Variants in ZNF385D observed in about 807,000 individuals in gnomAD.
ZNF385D encodes zinc finger protein 659.
In ZNF385D, 15 loss-of-function variants were observed where a neutral mutation model predicts 35.8. The ratio of observed to expected loss-of-function variants is 0.42; its 90% CI spans 0.28 to 0.64. The LOEUF is 0.64. Ranked by LOEUF, ZNF385D falls within the 30% of genes least tolerant of loss-of-function variation. The pLI, the probability that ZNF385D is intolerant of heterozygous loss-of-function variation, is 0.23. For missense variants in ZNF385D, 474 were observed against 494.6 expected (o/e 0.96, Z 0.39); for synonymous variants, 212 against 186.8 (o/e 1.13, Z -1.10).
At chr3:21,630,393 CG>C (rs1559473637) in intron 2 of ZNF385D, among the ~76,000 whole-genome samples, 1 of 151,846 alleles carries the variant, frequency 6.6e-6, no homozygotes, top group East Asian at 1.9e-4. Context: ...TTAGTAGAGA[CG>C]GGGTTTCTCC....
At chr3:21,756,751 CA>C (rs1423080994) in intron 3 of ZNF385D, among the ~76,000 whole-genome samples, 1 of 152,146 alleles carries the variant, frequency 6.6e-6, no homozygotes, top group Non-Finnish European at 1.5e-5. Flanking sequence ...ATATGAATGA[CA>C]TGTGCTGGAA....
intron 3 of ZNF385D, among the ~76,000 whole-genome samples, chr3:22,011,097 T>C (rs1696542744): frequency 1.3e-5 from 2 of 152,184 alleles, no homozygotes; most frequent in African/African-American, 4.8e-5. Flanking sequence ...CCCAAATTGT[T>C]TCCAGAAGCA....
chr3:22,040,785 A>G (rs965184746), intron 3 of ZNF385D, among the ~76,000 whole-genome samples: 1 of 152,216 alleles, frequency 6.6e-6, no homozygotes, highest in Non-Finnish European at 1.5e-5. Flanking sequence ...AGAATTTCAA[A>G]TACATTGACA....
At chr3:21,898,688 T>C (rs1031638759) in intron 3 of ZNF385D, among the ~76,000 whole-genome samples, 2 of 152,112 alleles carry the variant, frequency 1.3e-5, no homozygotes, top group African/African-American at 4.8e-5. Context: ...AGGCCCTTTT[T>C]CAAGTAACAG....
chr3:22,352,954 G>C (rs930063753), intron 2 of ZNF385D, among the ~76,000 whole-genome samples: 16 of 152,232 alleles, frequency 1.1e-4, no homozygotes, highest in African/African-American at 3.4e-4. Context: ...CCAAGCCCTA[G>C]AGTTCTACAT....
chr3:21,654,410 T>C (rs891840282), intron 2 of ZNF385D, among the ~76,000 whole-genome samples: 23 of 152,244 alleles, frequency 1.5e-4, no homozygotes, highest in Admixed American at 5.2e-4. Flanking sequence ...CCATCTGACA[T>C]TGGCACACCT....
At chr3:21,458,069 T>C (rs543762426) in intron 4 of ZNF385D, among the ~76,000 whole-genome samples, 2 of 152,016 alleles carry the variant, frequency 1.3e-5, no homozygotes, top group South Asian at 4.2e-4. Context: ...CTGAAAAAAA[T>C]ATTGAGATTA....
chr3:22,018,740 A>G (rs1276097135), intron 3 of ZNF385D, among the ~76,000 whole-genome samples: 8 of 151,928 alleles, frequency 5.3e-5, no homozygotes, highest in African/African-American at 9.7e-5. Context: ...AGCTTGGGTT[A>G]TATTTTACCA....
intron 3 of ZNF385D, among the ~76,000 whole-genome samples, chr3:22,037,939 CT>C (rs1698440664): frequency 6.6e-6 from 1 of 152,162 alleles, no homozygotes; most frequent in African/African-American, 2.4e-5. Context: ...CTACAACTAT[CT>C]GATCTTTGAC....
chr3:22,015,282 C>G (rs758867697), intron 3 of ZNF385D, among the ~76,000 whole-genome samples: 3 of 152,130 alleles, frequency 2.0e-5, no homozygotes, highest in Non-Finnish European at 4.4e-5. Context: ...ATACTGATAA[C>G]AGCTAAATAG....
Position 22,120,696 on chromosome 3 carries a change from C to G in ZNF385D, c.325+48121G>C, listed in dbSNP as rs946936944. Among the ~76,000 whole-genome samples, 5 of 152,216 alleles carry G rather than the reference C, an allele frequency of 3.3e-5. No homozygotes were observed. In the South Asian group the frequency reaches 1.0e-3, roughly 32 times the overall value. ...CACCTAAATTTAGTGAGTAATAATA[C>G]AATCTAGCTTATAGTGCTATCACTT... On this transcript the variant is annotated intron_variant, in intron 3 of 5. Transcript: ENST00000494108.
intron 4 of ZNF385D, among the ~76,000 whole-genome samples, chr3:21,460,895 T>C (rs1703127035): frequency 6.6e-6 from 1 of 152,146 alleles, no homozygotes; most frequent in South Asian, 2.1e-4. Context: ...TATTAAGTTG[T>C]TTACCTTAAT....
chr3:22,140,795 A>C (rs1704458923), intron 3 of ZNF385D, among the ~76,000 whole-genome samples: 1 of 152,222 alleles, frequency 6.6e-6, no homozygotes, highest in South Asian at 2.1e-4. Context: ...AGGTATGGCC[A>C]TTTCTAAAAT....
In ZNF385D at chr3:21,724,477, C is replaced by CAAAAAAAAAAAAAAAAAAAAAAAAA. The variant is rs200803155; in HGVS notation, c.22+26393_22+26417dup. ...AATATTTACCAAGCAAATGGAAAGC[C>CAAAAAAAAAAAAAAAAAAAAAAAAA]AAAAAAAAAAAAAAAAAAAAAAAAA... On this transcript the variant is annotated intron_variant, in intron 1 of 7. Coordinates refer to ENST00000281523, the MANE Select transcript of ZNF385D (RefSeq NM_024697.3). Among the ~76,000 whole-genome samples, 6 of 52,016 alleles carry CAAAAAAAAAAAAAAAAAAAAAAAAA rather than the reference C, an allele frequency of 1.2e-4. 1 individual carries two copies. Among genetic ancestry groups the CAAAAAAAAAAAAAAAAAAAAAAAAA allele is most frequent in the African/African-American group, 4.8e-4 (3 of 6,306 alleles). 34.1% of individuals were successfully genotyped at this position (52,016 alleles called of 152,430 possible). A position where few individuals can be genotyped will look rare whatever the true frequency, so the allele number is the denominator to read the frequency against.
Position 21,965,398 on chromosome 3 carries a change from T to A in ZNF385D, c.325+203419A>T, listed in dbSNP as rs531089652. 7.2e-5 allele frequency among the ~76,000 whole-genome samples: 11 copies of A among 152,294 alleles called. No homozygotes were observed. In the South Asian group the frequency reaches 2.3e-3, roughly 32 times the overall value. The stretch of plus-strand genomic sequence containing the variant: ...AACACAAATGAGCAAGACAGATACA[T>A]TTCCTAGACATAACGTGCCAGAGCG... On this transcript the variant is annotated intron_variant, in intron 3 of 5. Coordinates refer to the ZNF385D transcript ENST00000494108.
intron 3 of ZNF385D, among the ~76,000 whole-genome samples, chr3:21,996,312 CT>C (rs1482224547): frequency 6.6e-6 from 1 of 152,126 alleles, no homozygotes; most frequent in East Asian, 1.9e-4. Flanking sequence ...CTTCATTTAC[CT>C]TTTCCCTGCA....
At chr3:21,658,473 A>G (rs757135943) in intron 2 of ZNF385D, among the ~76,000 whole-genome samples, 47 of 152,016 alleles carry the variant, frequency 3.1e-4, no homozygotes, top group Non-Finnish European at 1.2e-4. Flanking sequence ...TATTGACACA[A>G]TTCCATCAAT....
intron 4 of ZNF385D, among the ~76,000 whole-genome samples, chr3:21,496,412 T>G (rs1344530103): frequency 6.9e-6 from 1 of 145,936 alleles, no homozygotes; most frequent in Non-Finnish European, 1.5e-5. Flanking sequence ...ACACATATAT[T>G]TGATATATAT....
At chr3:22,362,425 A>G (rs1007863428) in intron 2 of ZNF385D, among the ~76,000 whole-genome samples, 15 of 152,132 alleles carry the variant, frequency 9.9e-5, no homozygotes, top group Non-Finnish European at 1.8e-4. Context: ...AAAACTGTAT[A>G]TTGAAAGCAA....
Sources: allele counts gnomAD v4.1 joint callset (sites outside exome capture counted in the v4.1 genomes callset), GRCh38; gene constraint gnomAD v4.1.1; transcripts MANE v1.5; gene names NCBI Gene and HGNC (gene_info 2026-07-23, HGNC 2026-07-21).